The following SPATA4 variants were observed in gnomAD, a reference collection of about 807,000 sequenced individuals.
SPATA4 encodes the protein spermatogenesis associated 4.
Under a neutral mutation model 31.8 loss-of-function variants are expected in SPATA4, and 35 were observed. The ratio of observed to expected loss-of-function variants is 1.10; its 90% CI spans 0.84 to 1.46. The LOEUF is 1.46. Ranked by LOEUF, SPATA4 falls within the 40% of genes most tolerant of loss-of-function variation. The pLI, the probability that SPATA4 is intolerant of heterozygous loss-of-function variation, is 0.00. For synonymous variants in SPATA4, 126 were observed against 132.4 expected, an observed-to-expected ratio of 0.95 and a Z score of 0.33; for missense variants, 394 against 363.1, an observed-to-expected ratio of 1.09 and a Z score of -0.69.
At chr4:176,189,129 G>T (rs1561239279) in intron 4 of SPATA4, among the ~76,000 whole-genome samples, 1 of 152,178 alleles carries the variant, frequency 6.6e-6, no homozygotes, top group Non-Finnish European at 1.5e-5. Context: ...TACAAAGATA[G>T]ACTTTTAAAC....
intron 5 of SPATA4, among the ~76,000 whole-genome samples, chr4:176,185,135 T>C (rs1324969570): frequency 6.6e-6 from 1 of 152,204 alleles, no homozygotes; most frequent in Non-Finnish European, 1.5e-5. Context: ...AGGGCTTATT[T>C]TGGTGCATCT....
Position 176,184,694 on chromosome 4 carries a change from A to C in SPATA4, c.*86T>G. ...AGACACCACTCTATTTATTATTGAAATACATCCAATACTAGGTGATTCTGT... is the reference window on the plus strand; with the variant it reads ...AGACACCACTCTATTTATTATTGAACTACATCCAATACTAGGTGATTCTGT... On this transcript the variant is annotated 3_prime_UTR_variant, in exon 6 of 6. Transcript: ENST00000280191. 4 of 631,328 alleles carry C rather than the reference A, an allele frequency of 6.3e-6. No individual in the cohort carries two copies. The highest frequency in any genetic ancestry group is 1.0e-5 in the Non-Finnish European group (4 of 383,404). 39.1% of individuals were successfully genotyped at this position (631,328 alleles called of 1,614,324 possible). A position where few individuals can be genotyped will look rare whatever the true frequency, so the allele number is the denominator to read the frequency against.
intron 5 of SPATA4, 71 bp from the exon 6 acceptor site, chr4:176,184,963 T>A: frequency 8.2e-6 from 7 of 852,106 alleles, no homozygotes; most frequent in Non-Finnish European, 1.3e-5. Context: ...CATCAACATG[T>A]CTAATGTATC....
chr4:176,192,339 T>C (rs769959807), intron 4 of SPATA4, among the ~76,000 whole-genome samples: 6 of 152,254 alleles, frequency 3.9e-5, no homozygotes, highest in Non-Finnish European at 7.3e-5. Flanking sequence ...TTACTTGATA[T>C]ATGAACTTGT....
intron 1 of SPATA4, 151 bp from the exon 2 acceptor site, chr4:176,193,733 G>T: frequency 2.6e-6 from 2 of 780,906 alleles, no homozygotes; most frequent in Non-Finnish European, 3.7e-6. Flanking sequence ...ACCTACTGTG[G>T]AATTTTGCTA....
At chr4:176,188,421 A>T (rs369231919) in intron 4 of SPATA4, among the ~76,000 whole-genome samples, 186 bp from the exon 5 acceptor site, 3 of 152,320 alleles carry the variant, frequency 2.0e-5, no homozygotes, top group African/African-American at 7.2e-5. Context: ...TACACAAAAT[A>T]GTTACTTTAA....
At position 176,192,769 on chromosome 4, in the gene SPATA4, A is replaced by G; in HGVS notation, c.546T>C (p.Ser182=). 6.2e-7 allele frequency: 1 copy of G among 1,614,168 alleles called. No homozygotes were observed. Among genetic ancestry groups the G allele is most frequent in the Non-Finnish European group, 8.5e-7 (1 of 1,180,008 alleles). Residue 182 remains serine, a synonymous_variant, in exon 4 of 6, where the codon TCT becomes TCC. Transcript: ENST00000280191. ...YQMRLPLVSR[S]TVSKSIKDNI... ...TATCTTTAATAGACTTCGAAACTGT[A>G]GACCTGGAAACCAGGGGTAAACGCA...
At chr4:176,192,458 C>T (rs1429435991) in intron 4 of SPATA4, among the ~76,000 whole-genome samples, 169 bp downstream of exon 4, 1 of 152,160 alleles carries the variant, frequency 6.6e-6, no homozygotes, top group Non-Finnish European at 1.5e-5. Flanking sequence ...ATTTATAAAC[C>T]ACTCCAATGC....
At chr4:176,191,773 T>C in intron 4 of SPATA4, among the ~76,000 whole-genome samples, 1 of 152,130 alleles carries the variant, frequency 6.6e-6, no homozygotes, top group Non-Finnish European at 1.5e-5. Context: ...GATGGAAGAA[T>C]GGACAAGAGT....
intron 5 of SPATA4, among the ~76,000 whole-genome samples, chr4:176,186,477 A>G (rs1162430140): frequency 1.3e-5 from 2 of 152,184 alleles, no homozygotes. Context: ...AATGTCACCA[A>G]CAGAAGAAGG....
chr4:176,195,211 G>T (rs1370418556), intron 1 of SPATA4, 134 bp downstream of exon 1: 3 of 700,676 alleles, frequency 4.3e-6, no homozygotes, highest in Admixed American at 2.6e-5. Context: ...TAGTGTTTTC[G>T]TGTGTGTACG....
At chr4:176,187,074 G>C (rs1429483476) in intron 5 of SPATA4, among the ~76,000 whole-genome samples, 2 of 152,080 alleles carry the variant, frequency 1.3e-5, no homozygotes, top group African/African-American at 2.4e-5. Context: ...ATAATTTTTA[G>C]TAAAAGTGTG....
intron 1 of SPATA4, 186 bp from the exon 2 acceptor site, chr4:176,193,768 T>C (rs1307036262): frequency 3.8e-6 from 2 of 528,544 alleles, no homozygotes; most frequent in Non-Finnish European, 6.1e-6. Context: ...TCAAAGGCTT[T>C]GGTGTTCTTT....
At position 176,192,679 on chromosome 4, in the gene SPATA4, G is replaced by A. The variant is rs1354607626; in HGVS notation, c.636C>T (p.Phe212=). The A allele has an allele frequency of 1.2e-6, 2 of 1,614,042 alleles. No individual in the cohort carries two copies. The highest frequency in any genetic ancestry group is 1.7e-6 in the Non-Finnish European group (2 of 1,179,988). Residue 212 remains phenylalanine (F), a synonymous_variant, in exon 4 of 6, where the codon TTC becomes TTT. Transcript: ENST00000280191. Reference sequence around the variant, plus strand: ...TTTGCAACATATGTAAAAGGATGAGGAACTCCGCTTTAAGTTCATTGGTCA... The same window carrying A: ...TTTGCAACATATGTAAAAGGATGAGAAACTCCGCTTTAAGTTCATTGGTCA... The part of the protein sequence containing the change: ...NMLTNELKAE[F]LILLHMLQRK...
At position 176,184,716 on chromosome 4, in the gene SPATA4, C is replaced by T. The variant is rs1264320973; in HGVS notation, c.*64G>A. On this transcript the variant is annotated 3_prime_UTR_variant, in exon 6 of 6. Transcript: ENST00000280191. ...GAAATACATCCAATACTAGGTGATT[C>T]TGTTTCTTTATTATGGCTAGAGATG... The T allele has an allele frequency of 1.1e-6, 1 of 892,840 alleles. No homozygotes were observed. The highest frequency in any genetic ancestry group is 2.7e-5 in the East Asian group (1 of 37,114). 55.3% of individuals were successfully genotyped at this position (892,840 alleles called of 1,614,324 possible).
chr4:176,193,380 T>A (rs973638570), intron 2 of SPATA4, 73 bp downstream of exon 2: 1 of 1,547,128 alleles, frequency 6.5e-7, no homozygotes, highest in Non-Finnish European at 8.7e-7. Flanking sequence ...CACGTAGAGA[T>A]CCAGGAAATT....
chr4:176,195,471 G>A lies in SPATA4; in HGVS notation c.92C>T (p.Pro31Leu). 6.2e-7 allele frequency: 1 copy of A among 1,614,278 alleles called. No individual in the cohort carries two copies. Among genetic ancestry groups the A allele is most frequent in the Non-Finnish European group, 8.5e-7 (1 of 1,180,052 alleles). ...SPSLSPQLAA[P>L]IRGRPKKCLV... ...ACACTTCTTAGGCCTCCCTCGGATG[G>A]GAGCTGCTAGCTGTGGCGAAAGTGA... The change falls in exon 1 of 6, where the codon CCC becomes CTC. Residue 31 changes from proline to leucine, a missense_variant. Coordinates refer to ENST00000280191, the MANE Select transcript of SPATA4 (RefSeq NM_144644.4).
At chr4:176,188,663 C>T (rs972301591) in intron 4 of SPATA4, among the ~76,000 whole-genome samples, 4 of 152,138 alleles carry the variant, frequency 2.6e-5, no homozygotes, top group African/African-American at 9.7e-5. Context: ...TGACTTCTAT[C>T]ATTATAGGTT....
At position 176,192,950 on chromosome 4, in the gene SPATA4, G is replaced by A. The variant is rs1190218136; in HGVS notation, c.467+8C>T. The A allele has an allele frequency of 6.3e-7, 1 of 1,589,152 alleles. No individual in the cohort carries two copies. The highest frequency in any genetic ancestry group is 8.6e-7 in the Non-Finnish European group (1 of 1,167,648). ...AATTGTGTTACTAGGAAATTACAAA[G>A]AACTTACTCTCGATGTGTTAATAAA... On this transcript the variant is annotated splice_region_variant and intron_variant, in intron 3 of 5. Transcript: ENST00000280191.
Sources: gnomAD v4.1 joint callset for allele counts (sites outside exome capture counted in the v4.1 genomes callset) on GRCh38, gnomAD v4.1.1 for gene constraint, MANE v1.5 for transcripts, NCBI Gene and HGNC (gene_info 2026-07-23, HGNC 2026-07-21) for gene names.